The following VSIR variants were observed in gnomAD, a reference collection of about 807,000 sequenced individuals.
VSIR encodes V-type immunoglobulin domain-containing suppressor of T-cell activation.
In VSIR, 10 loss-of-function variants were observed where a neutral mutation model predicts 31.0. The ratio of observed to expected loss-of-function variants is 0.32; its 90% CI spans 0.20 to 0.55. The LOEUF is 0.55. VSIR is among the 20% of genes least tolerant of loss of function. The pLI, the probability that VSIR is intolerant of heterozygous loss-of-function variation, is 0.93. For missense variants in VSIR, 356 were observed against 416.2 expected (o/e 0.86, Z 1.26); for synonymous variants, 179 against 180.1 (o/e 0.99, Z 0.05).
rs1399275755 is a variant in VSIR, at chr10:71,751,688, T to C, written c.878A>G (p.Asp293Gly). 4.5e-6 allele frequency: 7 copies of C among 1,542,684 alleles called. No individual in the cohort carries two copies. The African/African-American group carries it at 9.7e-5, about 21-fold the overall frequency. Reference sequence around the variant, plus strand: ...CTTACCCAGGGATGGGAAGAAGACGTCTCCGGGGCCTGGAGGAGACAGGGG... The same window carrying C: ...CTTACCCAGGGATGGGAAGAAGACGCCTCCGGGGCCTGGAGGAGACAGGGG... Reference protein sequence around the residue: ...STPLSPPGPGDVFFPSLDPVP... With the variant: ...STPLSPPGPGGVFFPSLDPVP... Residue 293 changes from aspartate (D) to glycine (G), a missense_variant, in exon 6 of 7, where the codon GAC becomes GGC. Physicochemically the swap from Asp to Gly is moderately conservative, Grantham distance 94 (BLOSUM62 -1). Transcript: ENST00000394957. The surrounding 1 kb of genome is among the most constrained non-coding windows in gnomAD (Gnocchi z 4.9).
intron 1 of VSIR, among the ~76,000 whole-genome samples, chr10:71,770,707 C>T (rs995696216): frequency 2.6e-5 from 4 of 152,332 alleles, no homozygotes; most frequent in East Asian, 1.9e-4. Flanking sequence ...ACACTGTGTG[C>T]GGATAGGGAG....
intron 1 of VSIR, 23 bp downstream of exon 1, chr10:71,773,335 C>G (rs778387705): frequency 5.7e-5 from 91 of 1,588,818 alleles, no homozygotes; most frequent in Non-Finnish European, 7.5e-5. Context: ...TTTTTCCCAG[C>G]GCCCCGCCTC....
chr10:71,755,431 T>C lies in VSIR; in HGVS notation c.604A>G (p.Ile202Val), dbSNP rs767668485. Residue 202 changes from isoleucine to valine, a missense_variant, in exon 4 of 7, where the codon ATC becomes GTC. This residue lies in a region of VSIR where 190 missense variants were observed against 185.2 expected (regional missense o/e 1.03). Transcript: ENST00000394957. ...TAAALATGAC[I>V]VGILCLPLIL... The stretch of plus-strand genomic sequence containing the variant: ...AGGGGGAGGCAGAGGATTCCTACGA[T>C]GCAGGCACCCGTAGCCAGGGCTGCA... 6.2e-7 allele frequency: 1 copy of C among 1,613,270 alleles called. No individual in the cohort carries two copies. The highest frequency in any genetic ancestry group is 1.7e-5 in the Admixed American group (1 of 59,948).
chr10:71,768,965 G>A (rs1216583070), intron 1 of VSIR, among the ~76,000 whole-genome samples: 1 of 152,172 alleles, frequency 6.6e-6, no homozygotes, highest in Non-Finnish European at 1.5e-5. Context: ...GCCTCTGGAG[G>A]TCTGGTGCCA....
intron 3 of VSIR, chr10:71,760,523 G>T: frequency 4.7e-6 from 1 of 212,160 alleles, no homozygotes; most frequent in Non-Finnish European, 9.5e-6. Context: ...AGGACCCCCA[G>T]CCTTCCCAAG....
intron 1 of VSIR, 89 bp downstream of exon 1, chr10:71,773,269 C>T: frequency 7.1e-7 from 1 of 1,407,980 alleles, no homozygotes; most frequent in Non-Finnish European, 9.7e-7. Flanking sequence ...GCTGAGAGGG[C>T]CCCCAGGACG....
chr10:71,753,321 A>C (rs1441672716), intron 4 of VSIR, among the ~76,000 whole-genome samples: 2 of 152,354 alleles, frequency 1.3e-5, no homozygotes, highest in East Asian at 3.9e-4. Flanking sequence ...GGCTTGACTT[A>C]CACAGTGTCA....
chr10:71,772,921 G>A (rs930648089), intron 1 of VSIR, among the ~76,000 whole-genome samples: 4 of 152,180 alleles, frequency 2.6e-5, no homozygotes, highest in African/African-American at 4.8e-5. Context: ...AGCATACCAC[G>A]CCCTCTGTGT....
rs1839886063 is a variant in VSIR, at chr10:71,747,714, A to G, written c.*3539T>C. 1 of 152,292 alleles carries G rather than the reference A, an allele frequency of 6.6e-6. No individual in the cohort carries two copies. The highest frequency in any genetic ancestry group is 6.5e-5 in the Admixed American group (1 of 15,288). The allele number at this position is 152,292 out of a possible 1,614,324, so 9.4% of individuals were successfully genotyped here. ...CAACACATGTGAAAGTGTGTTGGAA[A>G]GCACCAAGTATTCTAACAGAAAAGG... On this transcript the variant is annotated 3_prime_UTR_variant, in exon 7 of 7. Coordinates refer to ENST00000394957, the MANE Select transcript of VSIR (RefSeq NM_022153.2).
intron 4 of VSIR, among the ~76,000 whole-genome samples, chr10:71,754,869 A>G (rs184576224): frequency 5.9e-5 from 9 of 152,218 alleles, no homozygotes; most frequent in African/African-American, 2.2e-4. Context: ...TCAGTCAGTT[A>G]TGTAACCCCA....
Position 71,773,450 on chromosome 10 carries a change from G to C in VSIR, c.-11C>G. On this transcript the variant is annotated 5_prime_UTR_variant, in exon 1 of 7. Transcript: ENST00000394957. ...CGTGGGGACGCCCATGTCGCCGTCG[G>C]ACGCGCAGAGGAACTTCTGGTGCCG... The C allele has an allele frequency of 6.3e-7, 1 of 1,584,674 alleles. No homozygotes were observed. The highest frequency in any genetic ancestry group is 8.6e-7 in the Non-Finnish European group (1 of 1,165,602).
chr10:71,752,617 G>A (rs956238788), intron 5 of VSIR, among the ~76,000 whole-genome samples: 1 of 152,142 alleles, frequency 6.6e-6, no homozygotes, highest in Non-Finnish European at 1.5e-5. Flanking sequence ...AGTTCTCTGC[G>A]GGCAGGAGGC....
At chr10:71,766,809 A>G (rs1269287392) in intron 1 of VSIR, among the ~76,000 whole-genome samples, 2 of 152,110 alleles carry the variant, frequency 1.3e-5, no homozygotes, top group Non-Finnish European at 2.9e-5. Context: ...ACAGGCCAGC[A>G]CTGCAGACAG....
At chr10:71,763,054 A>G (rs1014662481) in intron 1 of VSIR, among the ~76,000 whole-genome samples, 4 of 152,266 alleles carry the variant, frequency 2.6e-5, no homozygotes, top group Non-Finnish European at 4.4e-5. Flanking sequence ...ACTATTGGCT[A>G]CAATGCAGGG....
intron 1 of VSIR, among the ~76,000 whole-genome samples, chr10:71,773,133 A>C (rs1026444971): frequency 2.0e-5 from 3 of 152,230 alleles, no homozygotes; most frequent in Admixed American, 6.5e-5. Context: ...CCACTTGGGC[A>C]GCTGTCAGAG....
chr10:71,770,763 C>G (rs956108116), intron 1 of VSIR, among the ~76,000 whole-genome samples: 1 of 152,198 alleles, frequency 6.6e-6, no homozygotes, highest in African/African-American at 2.4e-5. Context: ...CTGGACCACC[C>G]TCTCCCAGGA....
At position 71,760,112 on chromosome 10, in the gene VSIR, T is replaced by C; in HGVS notation, c.568+756A>G. Among the ~76,000 whole-genome samples the C allele has an allele frequency of 2.1e-5, 2 of 93,692 alleles. 1 individual carries two copies. The highest frequency in any genetic ancestry group is 4.9e-5 in the Non-Finnish European group (2 of 41,210). 61.5% of individuals were successfully genotyped at this position (93,692 alleles called of 152,430 possible). ...ACATATACACACACACATACATACA[T>C]ATATGTGTGTATATATATGTATATA... On this transcript the variant is annotated intron_variant, in intron 3 of 6. Transcript: ENST00000394957.
chr10:71,751,382 G>A lies in VSIR; in HGVS notation c.899-92C>T, dbSNP rs1271600175. The A allele has an allele frequency of 5.0e-6, 4 of 798,410 alleles. No individual in the cohort carries two copies. The highest frequency in any genetic ancestry group is 7.6e-6 in the Non-Finnish European group (4 of 525,362). 49.5% of individuals were successfully genotyped at this position (798,410 alleles called of 1,614,324 possible). ...AGGCCGTGGAACTCTTCAGGGAGGT[G>A]AATGGGGGCCCCTCTGTCCCTCACC... is the stretch of plus-strand genomic sequence containing the variant. On this transcript the variant is annotated intron_variant, in intron 6 of 6. Coordinates refer to ENST00000394957, the MANE Select transcript of VSIR (RefSeq NM_022153.2). The surrounding 1 kb of genome is among the most constrained non-coding windows in gnomAD (Gnocchi z 4.9).
In VSIR at chr10:71,748,808, C is replaced by A. The variant is rs545141774; in HGVS notation, c.*2445G>T. 1.3e-5 allele frequency: 2 copies of A among 152,792 alleles called. No homozygotes were observed. The highest frequency in any genetic ancestry group is 2.1e-4 in the South Asian group (1 of 4,840). 9.5% of individuals were successfully genotyped at this position (152,792 alleles called of 1,614,324 possible). A position where few individuals can be genotyped will look rare whatever the true frequency, so the allele number is the denominator to read the frequency against. On this transcript the variant is annotated 3_prime_UTR_variant, in exon 7 of 7. Transcript: ENST00000394957. ...CCATCCCGGGCAACTCAGAGGGCGG[C>A]TCCAGCAGCCTGCCCCTCCCCAGCA...
Sources: gnomAD v4.1 joint callset for allele counts (sites outside exome capture counted in the v4.1 genomes callset) on GRCh38, gnomAD v4.1.1 for gene constraint, gnomAD v4.1.1 regional missense constraint, Gnocchi (gnomAD v3.1) non-coding constraint, MANE v1.5 for transcripts, NCBI Gene and HGNC (gene_info 2026-07-23, HGNC 2026-07-21) for gene names.